Variants in MACF1 observed in about 807,000 individuals in gnomAD.
MACF1 encodes the protein microtubule actin crosslinking factor 1, also known as microtubule-actin cross-linking factor 1.
In MACF1, 193 loss-of-function variants were observed where a neutral mutation model predicts 854.8. The ratio of observed to expected loss-of-function variants is 0.23; its 90% CI spans 0.20 to 0.25. MACF1 has a LOEUF of 0.25. Among genes scored for constraint, MACF1 ranks in the 10% least tolerant of loss-of-function variants. The pLI is 1.00. For missense variants in MACF1, 7,722 were observed against 8,929.1 expected (o/e 0.86, Z 5.45); for synonymous variants, 3,185 against 3,226.7 (o/e 0.99, Z 0.44).
At chr1:39,469,758 T>C in intron 97 of MACF1, 143 bp downstream of exon 97, 1 of 672,322 alleles carries the variant, frequency 1.5e-6, no homozygotes, top group Admixed American at 2.5e-5. Context: ...CTTTTCTAAC[T>C]ACTCAAGTTG....
Position 39,349,559 on chromosome 1 carries a change from G to T in MACF1, c.10897G>T (p.Ala3633Ser). 6.2e-7 allele frequency: 1 copy of T among 1,614,184 alleles called. No individual in the cohort carries two copies. Among genetic ancestry groups the T allele is most frequent in the African/African-American group, 1.3e-5 (1 of 75,046 alleles). ...GGTAGGACAGGCAGAAAGAGCACTG[G>T]CAGGCCACCAAGGCAGAACCACCCA... The part of the protein sequence containing the change: ...SWVGQAERAL[A>S]GHQGRTTQQD... Residue 3633 changes from alanine (A) to serine (S), a missense_variant, in exon 42 of 101, where the codon GCA (alanine) becomes TCA (serine). Coordinates refer to ENST00000564288, the MANE Select transcript of MACF1 (RefSeq NM_001394062.1).
At chr1:39,254,216 A>T in intron 4 of MACF1, 82 bp from the exon 5 acceptor site, 1 of 1,157,518 alleles carries the variant, frequency 8.6e-7, no homozygotes, top group Non-Finnish European at 1.3e-6. Context: ...GTGGTCCTTT[A>T]GTCCTGGAAA....
chr1:39,422,593 C>G, intron 59 of MACF1, 58 bp downstream of exon 59: 1 of 1,555,444 alleles, frequency 6.4e-7, no homozygotes, highest in Non-Finnish European at 8.7e-7. Flanking sequence ...AAAGAGACAT[C>G]TGAATCTAAG....
intron 2 of MACF1, among the ~76,000 whole-genome samples, chr1:39,128,102 C>T (rs1198953786): frequency 6.6e-6 from 1 of 152,214 alleles, no homozygotes; most frequent in African/African-American, 2.4e-5. Flanking sequence ...TGCTTTGGAA[C>T]TGCACCTTTA....
chr1:39,389,024 G>A (rs765227796), intron 58 of MACF1, among the ~76,000 whole-genome samples: 60 of 151,122 alleles, frequency 4.0e-4, no homozygotes, highest in Non-Finnish European at 6.0e-4. Flanking sequence ...GACCACAGGC[G>A]CCACCATACC....
chr1:39,341,221 A>G (rs1241428505), intron 40 of MACF1, among the ~76,000 whole-genome samples: 3 of 150,900 alleles, frequency 2.0e-5, no homozygotes, highest in African/African-American at 7.3e-5. Flanking sequence ...TTTAGTGGAG[A>G]CGGGGTTTCA....
intron 1 of MACF1, among the ~76,000 whole-genome samples, chr1:39,218,018 C>A (rs1167739873): frequency 6.6e-6 from 1 of 151,604 alleles, no homozygotes; most frequent in African/African-American, 2.4e-5. Flanking sequence ...CCTGTCTGTA[C>A]TAAAAATACA....
chr1:39,333,171 C>A lies in MACF1; in HGVS notation c.6583C>A (p.Gln2195Lys). The A allele has an allele frequency of 6.2e-7, 1 of 1,611,992 alleles. No homozygotes were observed. Among genetic ancestry groups the A allele is most frequent in the Non-Finnish European group, 8.5e-7 (1 of 1,179,602 alleles). ...AACTGGAGGATCTCACATAAAACCCCAAAGCAAAAAGTTACAAGTTCAGGT... is the reference window on the plus strand; with the variant it reads ...AACTGGAGGATCTCACATAAAACCCAAAAGCAAAAAGTTACAAGTTCAGGT... The part of the protein sequence containing the change: ...DETGGSHIKP[Q>K]SKKLQVQVKK... The change falls in exon 37 of 101, where the codon CAA (glutamine) becomes AAA (lysine). Residue 2195 changes from glutamine (Q) to lysine (K), a missense_variant. Coordinates refer to ENST00000564288, the MANE Select transcript of MACF1 (RefSeq NM_001394062.1).
intron 4 of MACF1, among the ~76,000 whole-genome samples, chr1:39,252,577 A>G (rs1405296837): frequency 6.6e-6 from 1 of 152,036 alleles, no homozygotes; most frequent in African/African-American, 2.4e-5. Context: ...GCCCTAAATT[A>G]TAGTCCAAAA....
intron 2 of MACF1, among the ~76,000 whole-genome samples, chr1:39,234,548 GA>G (rs1644830626): frequency 2.6e-5 from 3 of 116,812 alleles, no homozygotes; most frequent in African/African-American, 6.3e-5. Context: ...GCGGGGGGCT[GA>G]CCCCCCCACC....
intron 2 of MACF1, among the ~76,000 whole-genome samples, chr1:39,146,264 G>A (rs774317165): frequency 5.9e-5 from 9 of 152,018 alleles, no homozygotes; most frequent in Non-Finnish European, 1.2e-4. Flanking sequence ...CCAACATGGC[G>A]AAACCCCATC....
intron 58 of MACF1, among the ~76,000 whole-genome samples, chr1:39,393,022 A>G (rs553420112): frequency 1.8e-4 from 28 of 151,990 alleles, no homozygotes; most frequent in African/African-American, 6.3e-4. Flanking sequence ...GACTTTGGCA[A>G]ATCTCTTCAG....
intron 1 of MACF1, among the ~76,000 whole-genome samples, chr1:39,221,083 C>T (rs927504243): frequency 6.6e-6 from 1 of 151,948 alleles, no homozygotes; most frequent in Admixed American, 6.6e-5. Flanking sequence ...AGGACAGATG[C>T]GAAAGGTATG....
chr1:39,324,168 ATTGATTT>A lies in MACF1; in HGVS notation c.4237-23_4237-17del. 1 of 1,578,074 alleles carries A rather than the reference ATTGATTT, an allele frequency of 6.3e-7. No individual in the cohort carries two copies. Among genetic ancestry groups the A allele is most frequent in the Non-Finnish European group, 8.6e-7 (1 of 1,165,470 alleles). On this transcript the variant is annotated intron_variant, in intron 33 of 100. Coordinates refer to ENST00000564288, the MANE Select transcript of MACF1 (RefSeq NM_001394062.1). Reference sequence around the variant, plus strand: ...GCCTAATAAAAGACATTGCTAGCATATTGATTTTCTATTTCCTATTCTAGAAAGTGGT... The same window carrying A: ...GCCTAATAAAAGACATTGCTAGCATATCTATTTCCTATTCTAGAAAGTGGT...
chr1:39,166,705 G>A (rs977994648), intron 2 of MACF1, among the ~76,000 whole-genome samples: 20 of 151,956 alleles, frequency 1.3e-4, no homozygotes, highest in Non-Finnish European at 1.9e-4. Flanking sequence ...CATCTGCCTT[G>A]GCCTCCCAGA....
chr1:39,349,704 C>T (rs1647134396), intron 42 of MACF1, 77 bp downstream of exon 42: 1 of 1,466,404 alleles, frequency 6.8e-7, no homozygotes, highest in South Asian at 1.3e-5. Flanking sequence ...GTTATCTTGG[C>T]TCACTGCAGC....
intron 58 of MACF1, among the ~76,000 whole-genome samples, chr1:39,393,187 A>AT (rs1642105604): frequency 9.9e-6 from 1 of 100,606 alleles, no homozygotes; most frequent in African/African-American, 4.8e-5. Flanking sequence ...AGGGTAAAAA[A>AT]AAAAAAAAAA....
intron 2 of MACF1, among the ~76,000 whole-genome samples, chr1:39,123,847 C>A (rs1043098023): frequency 6.6e-6 from 1 of 151,448 alleles, no homozygotes; most frequent in Non-Finnish European, 1.5e-5. Context: ...CCTCAGCCTC[C>A]TGAGTAGCTG....
intron 2 of MACF1, among the ~76,000 whole-genome samples, chr1:39,140,360 G>A (rs560960074): frequency 6.6e-6 from 1 of 152,266 alleles, no homozygotes; most frequent in Non-Finnish European, 1.5e-5. Flanking sequence ...TTGTGTAAAT[G>A]TCACATCTGG....
Sources: gnomAD v4.1 joint callset for allele counts (sites outside exome capture counted in the v4.1 genomes callset) on GRCh38, gnomAD v4.1.1 for gene constraint, MANE v1.5 for transcripts, NCBI Gene and HGNC (gene_info 2026-07-23, HGNC 2026-07-21) for gene names.